Variants in TMEM87A observed in about 807,000 individuals in gnomAD.
TMEM87A encodes the protein Golgi-pH regulating cation channel.
TMEM87A carries 50 observed loss-of-function variants against 90.0 expected under a neutral mutation model. The ratio of observed to expected loss-of-function variants is 0.56; its 90% confidence interval spans 0.44 to 0.70. The LOEUF (loss-of-function observed/expected upper bound fraction) is 0.70. TMEM87A is among the 30% of genes least tolerant of loss of function. TMEM87A has a pLI of 0.00. For synonymous variants in TMEM87A, 226 were observed against 226.7 expected (o/e 1.00, Z 0.03); for missense variants, 577 against 660.5 (o/e 0.87, Z 1.39).
intron 13 of TMEM87A, 48 bp downstream of exon 13, chr15:42,228,663 AT>A: frequency 6.6e-7 from 1 of 1,524,034 alleles, no homozygotes; most frequent in Non-Finnish European, 9.1e-7. Flanking sequence ...AAGAATGTCC[AT>A]TCTAAACAGA....
At chr15:42,243,607 T>A (rs1023351758) in intron 7 of TMEM87A, among the ~76,000 whole-genome samples, 2 of 146,114 alleles carry the variant, frequency 1.4e-5, no homozygotes, top group African/African-American at 5.1e-5. Flanking sequence ...ACAACCTCCA[T>A]CTCCCGGGTT....
In TMEM87A at chr15:42,263,369, G is replaced by A. The variant is rs369566931; in HGVS notation, c.405+721C>T. Among the ~76,000 whole-genome samples the A allele has an allele frequency of 1.9e-3, 294 of 152,300 alleles. 1 individual carries two copies. Among genetic ancestry groups the A allele is most frequent in the African/African-American group, 6.7e-3 (277 of 41,574 alleles). On this transcript the variant is annotated intron_variant, in intron 4 of 19. Coordinates refer to ENST00000389834, the MANE Select transcript of TMEM87A (RefSeq NM_015497.5). The stretch of plus-strand genomic sequence containing the variant: ...ATAGTCAAATTCATGGAAAGTAGAA[G>A]AGTGGTTACCATGGTCTTGGGGTTG...
intron 14 of TMEM87A, among the ~76,000 whole-genome samples, chr15:42,227,205 A>C (rs1278296433): frequency 6.6e-6 from 1 of 152,158 alleles, no homozygotes; most frequent in Non-Finnish European, 1.5e-5. Flanking sequence ...GGTTAAGAGA[A>C]AGTTACCTTA....
At chr15:42,239,826 C>A (rs2050838137) in intron 7 of TMEM87A, 95 bp from the exon 8 acceptor site, 1 of 1,043,338 alleles carries the variant, frequency 9.6e-7, no homozygotes, top group East Asian at 2.4e-5. Flanking sequence ...GTAAGAATTT[C>A]ATTGGGTCAT....
chr15:42,241,613 C>T (rs915502435), intron 7 of TMEM87A, among the ~76,000 whole-genome samples: 24 of 152,046 alleles, frequency 1.6e-4, no homozygotes, highest in Middle Eastern at 6.8e-3. Context: ...TTAAAGGTTT[C>T]GATGAAGGGA....
chr15:42,266,240 G>A (rs1303080735), intron 3 of TMEM87A, among the ~76,000 whole-genome samples: 2 of 152,196 alleles, frequency 1.3e-5, no homozygotes, highest in East Asian at 3.8e-4. Flanking sequence ...TCATGGCTGG[G>A]CACAATGGCT....
chr15:42,237,820 G>T (rs934453772), intron 8 of TMEM87A, among the ~76,000 whole-genome samples: 1 of 151,758 alleles, frequency 6.6e-6, no homozygotes, highest in Non-Finnish European at 1.5e-5. Flanking sequence ...AAGCCACAGC[G>T]CCTGTCCTGA....
chr15:42,219,503 C>T lies in TMEM87A; in HGVS notation c.1539+78G>A, dbSNP rs2050436235. On this transcript the variant is annotated intron_variant, in intron 17 of 19. Transcript: ENST00000389834. Reference sequence around the variant, plus strand: ...AAGACCAATGTCACAGAATTTTCCTCCTGTTTTCTTCTAGTAGTTCTACTA... The same window carrying T: ...AAGACCAATGTCACAGAATTTTCCTTCTGTTTTCTTCTAGTAGTTCTACTA... The T allele has an allele frequency of 1.5e-5, 18 of 1,180,026 alleles. No homozygotes were observed. In the South Asian group the frequency reaches 2.8e-4, roughly 18 times the overall value. 73.1% of individuals were successfully genotyped at this position (1,180,026 alleles called of 1,614,324 possible).
chr15:42,229,115 A>G (rs1463417144), intron 12 of TMEM87A, among the ~76,000 whole-genome samples: 2 of 151,550 alleles, frequency 1.3e-5, no homozygotes, highest in East Asian at 1.9e-4. Flanking sequence ...CGATCCTCCC[A>G]CCTCAGCCTC....
At chr15:42,212,835 T>C (rs1308608458) in intron 19 of TMEM87A, among the ~76,000 whole-genome samples, 1 of 152,222 alleles carries the variant, frequency 6.6e-6, no homozygotes, top group Non-Finnish European at 1.5e-5. Context: ...TGGTCCATCA[T>C]GTAAATTGTT....
intron 8 of TMEM87A, among the ~76,000 whole-genome samples, chr15:42,238,560 A>G (rs1037293278): frequency 6.6e-6 from 1 of 152,062 alleles, no homozygotes; most frequent in African/African-American, 2.4e-5. Context: ...ACAGAGTGAG[A>G]CTACGTTTCA....
In TMEM87A at chr15:42,229,188, G is replaced by C. The variant is rs111530495; in HGVS notation, c.1132-368C>G. Among the ~76,000 whole-genome samples the C allele has an allele frequency of 8.1e-3, 1,224 of 151,814 alleles. 8 individuals carry two copies. The highest frequency in any genetic ancestry group is 0.037 in the Middle Eastern group (11 of 294). On this transcript the variant is annotated intron_variant, in intron 12 of 19. Coordinates refer to ENST00000389834, the MANE Select transcript of TMEM87A (RefSeq NM_015497.5). ...TGGCTAATTTTTAAATTTTTTTGTAGAGATAAGGTCTCGCTATGTTGCTCA... is the reference window on the plus strand; with the variant it reads ...TGGCTAATTTTTAAATTTTTTTGTACAGATAAGGTCTCGCTATGTTGCTCA...
intron 6 of TMEM87A, chr15:42,258,247 T>C (rs6493027): frequency 0.82 from 676,831 of 821,394 alleles, 284,593 homozygotes; most frequent in Non-Finnish European, 0.86. Context: ...AGTCATATAA[T>C]ACATACTCTA....
At chr15:42,248,931 G>A (rs1299975693) in intron 6 of TMEM87A, among the ~76,000 whole-genome samples, 1 of 152,262 alleles carries the variant, frequency 6.6e-6, no homozygotes, top group Middle Eastern at 3.4e-3. Flanking sequence ...ATTTTAGTTG[G>A]TAGGCTATTA....
intron 6 of TMEM87A, 96 bp downstream of exon 6, chr15:42,260,862 A>T (rs2051273802): frequency 2.2e-6 from 3 of 1,349,166 alleles, no homozygotes; most frequent in Non-Finnish European, 3.1e-6. Context: ...CTTTCTTTTC[A>T]AATATTAGCA....
intron 13 of TMEM87A, among the ~76,000 whole-genome samples, chr15:42,228,307 T>G (rs767561775): frequency 6.6e-6 from 1 of 152,206 alleles, no homozygotes; most frequent in Non-Finnish European, 1.5e-5. Flanking sequence ...TTTTTACATA[T>G]GCTTGCTGAC....
intron 6 of TMEM87A, among the ~76,000 whole-genome samples, chr15:42,260,389 A>G (rs4924645): frequency 0.7 from 106,471 of 152,100 alleles, 41,029 homozygotes; most frequent in Non-Finnish European, 0.86. Flanking sequence ...GAAACAAAAC[A>G]TAACTTCTGT....
At chr15:42,239,428 T>A (rs570087664) in intron 8 of TMEM87A, among the ~76,000 whole-genome samples, 5 of 152,192 alleles carry the variant, frequency 3.3e-5, no homozygotes, top group Non-Finnish European at 7.3e-5. Context: ...TGTGAGATGA[T>A]CTTTGAGGTA....
At chr15:42,236,071 G>C (rs920213454) in intron 10 of TMEM87A, among the ~76,000 whole-genome samples, 3 of 152,108 alleles carry the variant, frequency 2.0e-5, no homozygotes, top group African/African-American at 7.2e-5. Flanking sequence ...ATTTGGATTT[G>C]GAAGTATGGA....
Sources: gnomAD v4.1 joint callset for allele counts (sites outside exome capture counted in the v4.1 genomes callset) on GRCh38, gnomAD v4.1.1 for gene constraint, MANE v1.5 for transcripts, NCBI Gene and HGNC (gene_info 2026-07-23, HGNC 2026-07-21) for gene names.